The following MB21D2 variants were observed in gnomAD, a reference collection of about 807,000 sequenced individuals.
MB21D2 encodes Mab-21 domain containing 2, also known as nucleotidyltransferase MB21D2.
MB21D2 carries 9 observed loss-of-function variants against 33.3 expected under a neutral mutation model. That is an observed-to-expected ratio of 0.27 (90% CI 0.16 to 0.47). The LOEUF is 0.47. Ranked by LOEUF, MB21D2 falls within the 20% of genes least tolerant of loss-of-function variation. The pLI, the probability that MB21D2 is intolerant of heterozygous loss-of-function variation, is 0.99. For missense variants in MB21D2, 540 were observed against 624.6 expected (o/e 0.86, Z 1.44); for synonymous variants, 241 against 236.3 (o/e 1.02, Z -0.18).
rs71177378 is a variant in MB21D2, at chr3:192,834,809, C to CTTTTT, written c.212-35164_212-35160dup. ...GGTACAGATGTTTGAGAGGATTGTTCTTTTTTTTTTTTTTTTTTTTGAGAC... is the reference window on the plus strand; with the variant it reads ...GGTACAGATGTTTGAGAGGATTGTTCTTTTTTTTTTTTTTTTTTTTTTTTTGAGAC... On this transcript the variant is annotated intron_variant, in intron 1 of 1. Transcript: ENST00000392452. Among the ~76,000 whole-genome samples, 904 of 119,808 alleles carry CTTTTT rather than the reference C, an allele frequency of 7.5e-3. 32 individuals are homozygous for CTTTTT. Among genetic ancestry groups the CTTTTT allele is most frequent in the African/African-American group, 0.027 (845 of 30,742 alleles). The allele number at this position is 119,808 out of a possible 152,430, so 78.6% of individuals were successfully genotyped here.
intron 1 of MB21D2, among the ~76,000 whole-genome samples, chr3:192,897,896 C>T (rs1192928425): frequency 6.6e-6 from 1 of 151,882 alleles, no homozygotes; most frequent in Non-Finnish European, 1.5e-5. Context: ...GTGGGAGAAG[C>T]ACTTGAGCCC....
At chr3:192,849,195 A>C (rs1712733972) in intron 1 of MB21D2, among the ~76,000 whole-genome samples, 1 of 151,976 alleles carries the variant, frequency 6.6e-6, no homozygotes, top group African/African-American at 2.4e-5. Context: ...CCATGCTCAC[A>C]CTTGCCTCCC....
At chr3:192,874,513 G>A (rs1435865819) in intron 1 of MB21D2, among the ~76,000 whole-genome samples, 1 of 152,044 alleles carries the variant, frequency 6.6e-6, no homozygotes, top group African/African-American at 2.4e-5. Flanking sequence ...CCCAATTCCA[G>A]CCCTATCCCC....
At chr3:192,844,786 C>G (rs1712646231) in intron 1 of MB21D2, among the ~76,000 whole-genome samples, 1 of 152,212 alleles carries the variant, frequency 6.6e-6, no homozygotes, top group Non-Finnish European at 1.5e-5. Context: ...CAGCCTGTTC[C>G]TTCACAAGGA....
At chr3:192,910,320 AT>A (rs1714327185) in intron 1 of MB21D2, among the ~76,000 whole-genome samples, 1 of 150,698 alleles carries the variant, frequency 6.6e-6, no homozygotes. Context: ...AAAAAAAAAA[AT>A]TTAAAAATTA....
chr3:192,864,131 G>A (rs926035069), intron 1 of MB21D2, among the ~76,000 whole-genome samples: 6 of 152,184 alleles, frequency 3.9e-5, no homozygotes, highest in African/African-American at 1.4e-4. Flanking sequence ...AAAGCTTTCT[G>A]TAAAGTTTAC....
chr3:192,820,689 C>T (rs1712029068), intron 1 of MB21D2, among the ~76,000 whole-genome samples: 1 of 152,262 alleles, frequency 6.6e-6, no homozygotes, highest in Admixed American at 6.5e-5. Flanking sequence ...CACAGATGCT[C>T]CGCTGCCTCG....
At chr3:192,865,335 C>T (rs1452797085) in intron 1 of MB21D2, among the ~76,000 whole-genome samples, 1 of 152,184 alleles carries the variant, frequency 6.6e-6, no homozygotes, top group Non-Finnish European at 1.5e-5. Flanking sequence ...GATTAGCCCT[C>T]AGTCTCCTGC....
chr3:192,816,020 T>C (rs897929070), intron 1 of MB21D2, among the ~76,000 whole-genome samples: 3 of 152,096 alleles, frequency 2.0e-5, no homozygotes, highest in Non-Finnish European at 4.4e-5. Context: ...ATGGGCACAA[T>C]TACAGCTCAG....
intron 1 of MB21D2, among the ~76,000 whole-genome samples, chr3:192,903,127 G>T (rs1196609146): frequency 6.6e-6 from 1 of 152,224 alleles, no homozygotes; most frequent in Non-Finnish European, 1.5e-5. Flanking sequence ...TCCCTACCTT[G>T]AAGCACAGCC....
chr3:192,839,035 G>A (rs371139785), intron 1 of MB21D2, among the ~76,000 whole-genome samples: 39 of 152,232 alleles, frequency 2.6e-4, no homozygotes, highest in African/African-American at 6.5e-4. Context: ...ACTAAGTTAC[G>A]ACCTTTTTCT....
intron 1 of MB21D2, among the ~76,000 whole-genome samples, chr3:192,814,684 A>C (rs1230092914): frequency 2.6e-5 from 4 of 150,962 alleles, no homozygotes; most frequent in African/African-American, 5.0e-5. Flanking sequence ...AACACGGTGA[A>C]ACCCTGTCTC....
intron 1 of MB21D2, among the ~76,000 whole-genome samples, chr3:192,835,251 A>G (rs556256170): frequency 2.0e-5 from 3 of 150,872 alleles, no homozygotes; most frequent in Admixed American, 6.6e-5. Flanking sequence ...TCAGGAGATC[A>G]AGACCATCCT....
At chr3:192,896,024 T>C (rs1364988386) in intron 1 of MB21D2, among the ~76,000 whole-genome samples, 1 of 152,188 alleles carries the variant, frequency 6.6e-6, no homozygotes, top group East Asian at 1.9e-4. Flanking sequence ...AAAAAAAGGA[T>C]TTTCCACAAA....
At chr3:192,908,639 CG>C (rs1027912042) in intron 1 of MB21D2, among the ~76,000 whole-genome samples, 1 of 151,474 alleles carries the variant, frequency 6.6e-6, no homozygotes. Flanking sequence ...AGGATGGTCT[CG>C]ATCTCCTGAC....
rs1483026732 is a variant in MB21D2 at position 192,798,147 on chromosome 3, A to G, written c.*239T>C. On this transcript the variant is annotated 3_prime_UTR_variant, in exon 2 of 2. Transcript: ENST00000392452. The surrounding 1 kb of genome is among the most constrained non-coding windows in gnomAD (Gnocchi z 4.8). Reference sequence around the variant, plus strand: ...TCTCCTTAAAAAGAAAAAAAACTCCAACAAACTAAAGAGCATGACAATAAC... The same window carrying G: ...TCTCCTTAAAAAGAAAAAAAACTCCGACAAACTAAAGAGCATGACAATAAC... 2.3e-6 allele frequency: 1 copy of G among 442,268 alleles called. No individual in the cohort carries two copies. Among genetic ancestry groups the G allele is most frequent in the East Asian group, 3.6e-5 (1 of 27,570 alleles). The allele number at this position is 442,268 out of a possible 1,614,324, so 27.4% of individuals were successfully genotyped here.
intron 1 of MB21D2, among the ~76,000 whole-genome samples, chr3:192,817,174 A>G (rs2108614748): frequency 6.6e-6 from 1 of 152,258 alleles, no homozygotes; most frequent in Middle Eastern, 3.4e-3. Context: ...TAATGTAGTC[A>G]TGTGGTTCAA....
intron 1 of MB21D2, among the ~76,000 whole-genome samples, chr3:192,912,101 A>G (rs557717021): frequency 2.6e-5 from 4 of 152,230 alleles, no homozygotes; most frequent in Non-Finnish European, 5.9e-5. Flanking sequence ...CAGGAGCACC[A>G]CACCAAGCAT....
chr3:192,901,385 A>G lies in MB21D2; in HGVS notation c.211+16245T>C, dbSNP rs373788785. Among the ~76,000 whole-genome samples the G allele has an allele frequency of 5.8e-3, 745 of 129,004 alleles. 4 individuals carry two copies. Among genetic ancestry groups the G allele is most frequent in the African/African-American group, 0.02 (708 of 35,048 alleles). 84.6% of individuals were successfully genotyped at this position (129,004 alleles called of 152,430 possible). On this transcript the variant is annotated intron_variant, in intron 1 of 1. Coordinates refer to ENST00000392452, the MANE Select transcript of MB21D2 (RefSeq NM_178496.4). Reference sequence around the variant, plus strand: ...GAGATCAAGACCATCCTGGCTAACAAGGTGAAACCCCGTCTCTACTAAAAA... The same window carrying G: ...GAGATCAAGACCATCCTGGCTAACAGGGTGAAACCCCGTCTCTACTAAAAA...
Sources: allele counts gnomAD v4.1 joint callset (sites outside exome capture counted in the v4.1 genomes callset), GRCh38; gene constraint gnomAD v4.1.1; non-coding constraint Gnocchi (gnomAD v3.1); transcripts MANE v1.5; gene names NCBI Gene and HGNC (gene_info 2026-07-23, HGNC 2026-07-21).